Variants in LPP observed in about 807,000 individuals in gnomAD.
LPP encodes lipoma-preferred partner.
LPP carries 38 observed loss-of-function variants against 60.4 expected under a neutral mutation model. The ratio of observed to expected loss-of-function variants is 0.63; its 90% CI spans 0.49 to 0.83. The LOEUF is 0.83. Ranked by LOEUF, LPP falls within the 40% of genes least tolerant of loss-of-function variation. The probability of loss-of-function intolerance (pLI) is 0.00; values close to 1 mark genes in which losing one functional copy is unlikely to be tolerated. For synonymous variants in LPP, 328 were observed against 290.8 expected (o/e 1.13, Z -1.30); for missense variants, 902 against 783.6 (o/e 1.15, Z -1.80).
chr3:188,381,313 T>C (rs1776821351), intron 3 of LPP, among the ~76,000 whole-genome samples: 1 of 152,242 alleles, frequency 6.6e-6, no homozygotes, highest in Non-Finnish European at 1.5e-5. Flanking sequence ...TTCTTACCCC[T>C]TCTCTTCTTT....
At chr3:188,420,819 G>A (rs770116513) in intron 4 of LPP, among the ~76,000 whole-genome samples, 5 of 152,136 alleles carry the variant, frequency 3.3e-5, no homozygotes, top group Non-Finnish European at 5.9e-5. Flanking sequence ...TGAGTATGTG[G>A]TGGTGGTAGT....
At chr3:188,230,557 G>A (rs1719535649) in intron 2 of LPP, among the ~76,000 whole-genome samples, 2 of 152,088 alleles carry the variant, frequency 1.3e-5, no homozygotes. Flanking sequence ...GCTGAGGCAG[G>A]CAGATCACCT....
chr3:188,637,550 C>T lies in LPP; in HGVS notation c.1113+27706C>T, dbSNP rs1372949658. Reference sequence around the variant, plus strand: ...GAAGGAAATAGATACATAAAAAACCCTTCAAAAAATTAATGAATCCAGGAG... The same window carrying T: ...GAAGGAAATAGATACATAAAAAACCTTTCAAAAAATTAATGAATCCAGGAG... On this transcript the variant is annotated intron_variant, in intron 7 of 11. Transcript: ENST00000617246. 4.0e-5 allele frequency among the ~76,000 whole-genome samples: 6 copies of T among 150,718 alleles called. No individual in the cohort carries two copies. The East Asian group carries it at 1.2e-3, about 29-fold the overall frequency.
intron 2 of LPP, among the ~76,000 whole-genome samples, chr3:188,335,105 T>A (rs1761287242): frequency 6.6e-6 from 1 of 152,240 alleles, no homozygotes; most frequent in South Asian, 2.1e-4. Context: ...CATCTTTGTC[T>A]TGTTCCAGAG....
At chr3:188,157,419 T>G (rs1716823991) in intron 1 of LPP, among the ~76,000 whole-genome samples, 1 of 152,124 alleles carries the variant, frequency 6.6e-6, no homozygotes, top group Non-Finnish European at 1.5e-5. Flanking sequence ...CGGATTTGAT[T>G]TCAGAACTAT....
At chr3:188,404,811 T>C (rs1263748110) in intron 3 of LPP, among the ~76,000 whole-genome samples, 1 of 152,192 alleles carries the variant, frequency 6.6e-6, no homozygotes, top group Non-Finnish European at 1.5e-5. Flanking sequence ...AGGTGGCTTT[T>C]GGGCTGGGGG....
rs1161511177 is a variant in LPP, at chr3:188,609,900, C to T, written c.1113+56C>T. 1.3e-6 allele frequency: 2 copies of T among 1,514,042 alleles called. No individual in the cohort carries two copies. The highest frequency in any genetic ancestry group is 1.8e-6 in the Non-Finnish European group (2 of 1,126,148). 93.8% of individuals were successfully genotyped at this position (1,514,042 alleles called of 1,614,324 possible). A position where few individuals can be genotyped will look rare whatever the true frequency, so the allele number is the denominator to read the frequency against. On this transcript the variant is annotated intron_variant, in intron 7 of 11. Transcript: ENST00000617246. The surrounding 1 kb of genome is among the most constrained non-coding windows in gnomAD (Gnocchi z 6.9). ...TACAGGGGTGCCTATCTTAGTCTGC[C>T]TTCCCCAGGAAGCGAAGCCTAAGGC...
chr3:188,163,388 C>A (rs1444073537), intron 1 of LPP, among the ~76,000 whole-genome samples: 1 of 152,104 alleles, frequency 6.6e-6, no homozygotes, highest in African/African-American at 2.4e-5. Flanking sequence ...CCTGCTGAAG[C>A]CATTGTTAGT....
At chr3:188,283,266 A>G (rs1179830819) in intron 2 of LPP, among the ~76,000 whole-genome samples, 1 of 152,196 alleles carries the variant, frequency 6.6e-6, no homozygotes, top group Non-Finnish European at 1.5e-5. Context: ...AAAAGGAGAA[A>G]GTGGTTTACA....
rs575448597 is a variant in LPP at position 188,550,628 on chromosome 3, A to T, written c.429+25841A>T. Among the ~76,000 whole-genome samples the T allele has an allele frequency of 4.0e-5, 6 of 151,616 alleles. No homozygotes were observed. The East Asian group carries it at 1.2e-3, about 29-fold the overall frequency. On this transcript the variant is annotated intron_variant, in intron 6 of 11. Transcript: ENST00000617246. ...GAACAAGTCTTTGGATATTAACCAT[A>T]GTGATCATGCCCTAAGTATGTATTT...
intron 1 of LPP, among the ~76,000 whole-genome samples, chr3:188,177,781 A>G (rs1723506804): frequency 6.6e-6 from 1 of 152,192 alleles, no homozygotes; most frequent in Admixed American, 6.5e-5. Context: ...ATTACAGGGA[A>G]ACACCAAAGA....
chr3:188,340,201 C>G (rs1762678244), intron 2 of LPP, among the ~76,000 whole-genome samples: 1 of 152,026 alleles, frequency 6.6e-6, no homozygotes, highest in South Asian at 2.1e-4. Flanking sequence ...ACCATGTGAT[C>G]TTTGAAGTTT....
At chr3:188,241,028 T>C in intron 2 of LPP, among the ~76,000 whole-genome samples, 1 of 152,306 alleles carries the variant, frequency 6.6e-6, no homozygotes, top group Non-Finnish European at 1.5e-5. Context: ...AGTGATGATT[T>C]TAGAGGTAGC....
At chr3:188,802,988 A>C (rs537657243) in intron 9 of LPP, among the ~76,000 whole-genome samples, 15 of 151,178 alleles carry the variant, frequency 9.9e-5, no homozygotes, top group African/African-American at 3.6e-4. Context: ...AAAAGTGATC[A>C]CTATCCTGAC....
At chr3:188,377,415 C>T (rs150430146) in intron 3 of LPP, among the ~76,000 whole-genome samples, 7,856 of 152,056 alleles carry the variant, frequency 0.052, 282 homozygotes, top group East Asian at 0.2. Context: ...CTTTTTATTC[C>T]TTTTTCTCTG....
chr3:188,868,014 G>A (rs563353672), intron 10 of LPP, among the ~76,000 whole-genome samples: 3 of 152,246 alleles, frequency 2.0e-5, no homozygotes, highest in Middle Eastern at 3.4e-3. Context: ...TCCCAGAGGC[G>A]GAAATTTGCA....
Position 188,311,712 on chromosome 3 carries a change from C to T in LPP, c.-66-29951C>T, listed in dbSNP as rs1239376203. Among the ~76,000 whole-genome samples the T allele has an allele frequency of 2.6e-5, 4 of 151,886 alleles. No individual in the cohort carries two copies. In the East Asian group the frequency reaches 7.8e-4, roughly 30 times the overall value. ...TGAGTGCAGTGGCCTGATGTTGGCTCACTGCAACCTCCATGTCCCGAATTC... is the reference window on the plus strand; with the variant it reads ...TGAGTGCAGTGGCCTGATGTTGGCTTACTGCAACCTCCATGTCCCGAATTC... On this transcript the variant is annotated intron_variant, in intron 2 of 11. Transcript: ENST00000617246.
At chr3:188,708,177 T>A (rs974956468) in intron 7 of LPP, 90 bp from the exon 8 acceptor site, 1 of 1,459,566 alleles carries the variant, frequency 6.9e-7, no homozygotes, top group Non-Finnish European at 9.3e-7. Flanking sequence ...TGCTTTTTCC[T>A]CTCCAGTGCA....
chr3:188,833,333 T>C (rs371044422), intron 9 of LPP, among the ~76,000 whole-genome samples: 44 of 152,162 alleles, frequency 2.9e-4, no homozygotes, highest in African/African-American at 8.4e-4. Context: ...TTTTGTTTGG[T>C]AGGAACAAGA....
Sources: allele counts gnomAD v4.1 joint callset (sites outside exome capture counted in the v4.1 genomes callset), GRCh38; gene constraint gnomAD v4.1.1; non-coding constraint Gnocchi (gnomAD v3.1); transcripts MANE v1.5; gene names NCBI Gene and HGNC (gene_info 2026-07-23, HGNC 2026-07-21).